Variants in SLC37A1 observed in about 807,000 individuals in gnomAD.
SLC37A1 encodes the protein glucose-6-phosphate exchanger SLC37A1.
A neutral mutation model predicts 75.3 loss-of-function variants in SLC37A1; 49 were observed. The observed-to-expected ratio is 0.65, with a 90% CI of 0.52 to 0.83. SLC37A1 has a LOEUF of 0.83. Ranked by LOEUF, SLC37A1 falls within the 40% of genes least tolerant of loss-of-function variation. The pLI is 0.00. For synonymous variants in SLC37A1, 268 were observed against 292.1 expected (o/e 0.92, Z 0.84); for missense variants, 566 against 695.0 (o/e 0.81, Z 2.09).
At chr21:42,531,590 C>G (rs1002579650) in intron 3 of SLC37A1, among the ~76,000 whole-genome samples, 2 of 152,264 alleles carry the variant, frequency 1.3e-5, no homozygotes, top group East Asian at 1.9e-4. Context: ...AAGGACTTGA[C>G]CCCCTCCCCA....
At chr21:42,575,760 A>G (rs1306425413) in intron 18 of SLC37A1, 1 of 985,304 alleles carries the variant, frequency 1.0e-6, no homozygotes, top group African/African-American at 1.7e-5. Flanking sequence ...TTATATTTTA[A>G]TTCCAGGAAA....
intron 2 of SLC37A1, among the ~76,000 whole-genome samples, chr21:42,523,321 C>T (rs866332683): frequency 4.6e-5 from 7 of 152,302 alleles, no homozygotes; most frequent in Middle Eastern, 3.4e-3. Context: ...CAGTGAGGGC[C>T]GATCAGGGTC....
chr21:42,568,478 A>T (rs1342254174), intron 17 of SLC37A1, 40 bp downstream of exon 17: 1 of 1,582,898 alleles, frequency 6.3e-7, no homozygotes, highest in South Asian at 1.1e-5. Flanking sequence ...TTGGTGTCTT[A>T]GGGGAAATCA....
intron 4 of SLC37A1, among the ~76,000 whole-genome samples, chr21:42,535,086 G>T (rs532044903): frequency 1.3e-5 from 2 of 152,216 alleles, no homozygotes; most frequent in African/African-American, 2.4e-5. Flanking sequence ...GGACTTGCAG[G>T]GCATAGTTCT....
At position 42,579,634 on chromosome 21, in the gene SLC37A1, C is replaced by T. The variant is rs1052731499; in HGVS notation, c.1522-102C>T. The T allele has an allele frequency of 5.2e-6, 5 of 964,540 alleles. No homozygotes were observed. The Admixed American group carries it at 9.5e-5, about 18-fold the overall frequency. The allele number at this position is 964,540 out of a possible 1,614,324, so 59.7% of individuals were successfully genotyped here. On this transcript the variant is annotated intron_variant, in intron 18 of 19. Coordinates refer to ENST00000352133, the MANE Select transcript of SLC37A1 (RefSeq NM_001320537.2). ...AGGGAAGGTGCTGTGGGGAGAGAGC[C>T]ACCCGCCCAGGCCTTGCGGGCCAGG... is the stretch of plus-strand genomic sequence containing the variant.
chr21:42,515,035 A>G (rs1238779030), intron 1 of SLC37A1: 1 of 152,226 alleles, frequency 6.6e-6, no homozygotes, highest in Non-Finnish European at 1.5e-5. Context: ...TGATTCACCA[A>G]GTCATTTTGG....
intron 11 of SLC37A1, among the ~76,000 whole-genome samples, chr21:42,561,217 G>A (rs940915194): frequency 2.6e-5 from 4 of 152,222 alleles, no homozygotes; most frequent in Admixed American, 6.5e-5. Context: ...GTGCACAGAC[G>A]GCTGGGGGAT....
intron 1 of SLC37A1, among the ~76,000 whole-genome samples, chr21:42,516,031 T>C (rs8132907): frequency 0.2 from 30,177 of 152,216 alleles, 3,560 homozygotes; most frequent in African/African-American, 0.33. Context: ...AGTGCTGGGA[T>C]TGCAGGCATG....
intron 17 of SLC37A1, among the ~76,000 whole-genome samples, chr21:42,572,487 C>T (rs564057407): frequency 6.6e-6 from 1 of 152,142 alleles, no homozygotes; most frequent in East Asian, 1.9e-4. Flanking sequence ...CTGCCTGTCT[C>T]CCTGTTCTTT....
In SLC37A1 at chr21:42,534,688, C is replaced by T. The variant is rs777237746; in HGVS notation, c.139-10C>T. The T allele has an allele frequency of 1.2e-6, 2 of 1,604,392 alleles. No individual in the cohort carries two copies. Among genetic ancestry groups the T allele is most frequent in the South Asian group, 2.2e-5 (2 of 89,884 alleles). ...CCTCTCCCTGCTTCTGCCCTCCCAT[C>T]ACGTCCCAGGGTGAGCTCCACAAGT... On this transcript the variant is annotated splice_polypyrimidine_tract_variant and intron_variant, in intron 3 of 19. Transcript: ENST00000352133.
At position 42,580,413 on chromosome 21, in the gene SLC37A1, T is replaced by A; in HGVS notation, c.*53T>A. On this transcript the variant is annotated 3_prime_UTR_variant, in exon 20 of 20. Coordinates refer to ENST00000352133, the MANE Select transcript of SLC37A1 (RefSeq NM_001320537.2). ...TCTGGGCCCACCCTTCACAACTGCC[T>A]TTCAAGGACAGTTCAGACAAAGGGC... is the stretch of plus-strand genomic sequence containing the variant. 6.3e-7 allele frequency: 1 copy of A among 1,596,800 alleles called. No homozygotes were observed. Among genetic ancestry groups the A allele is most frequent in the Admixed American group, 1.7e-5 (1 of 58,602 alleles).
intron 5 of SLC37A1, among the ~76,000 whole-genome samples, chr21:42,537,146 G>A (rs12482752): frequency 0.14 from 21,083 of 152,238 alleles, 1,833 homozygotes; most frequent in Non-Finnish European, 0.2. Flanking sequence ...AGTGTCTGCT[G>A]TTGGAGGAGA....
intron 17 of SLC37A1, among the ~76,000 whole-genome samples, chr21:42,572,248 AG>A (rs1405734085): frequency 1.3e-5 from 2 of 152,036 alleles, no homozygotes; most frequent in African/African-American, 4.8e-5. Context: ...TTAGATCTCC[AG>A]GTTCCCTTCC....
chr21:42,581,322 GTTAT>G lies in SLC37A1; in HGVS notation c.*968_*971del, dbSNP rs71771828. 0.016 allele frequency: 2,493 copies of G among 152,740 alleles called. 30 individuals carry two copies. Among genetic ancestry groups the G allele is most frequent in the Middle Eastern group, 0.048 (14 of 294 alleles). 9.5% of individuals were successfully genotyped at this position (152,740 alleles called of 1,614,324 possible). ...GTTTAAGAGACATAAATGGCATTTT[GTTAT>G]TTATTAAGACAAACTCCAATTGTTC... On this transcript the variant is annotated 3_prime_UTR_variant, in exon 20 of 20. Transcript: ENST00000352133.
At chr21:42,539,100 G>A (rs2055210572) in intron 5 of SLC37A1, among the ~76,000 whole-genome samples, 1 of 152,288 alleles carries the variant, frequency 6.6e-6, no homozygotes, top group Middle Eastern at 3.4e-3. Flanking sequence ...CTTGCTCAGG[G>A]TCATAAGTGA....
chr21:42,499,876 GGGTGCCTTCTGCTTCCTGGT>G (rs1195895102), intron 1 of SLC37A1: 1 of 152,404 alleles, frequency 6.6e-6, no homozygotes, highest in African/African-American at 2.4e-5. Flanking sequence ...GCGCTGGTCA[GGGTGCCTTCTGCTTCCTGGT>G]GGGATGGCCT....
chr21:42,555,174 G>T (rs1171154698), intron 10 of SLC37A1, among the ~76,000 whole-genome samples: 1 of 151,878 alleles, frequency 6.6e-6, no homozygotes, highest in Admixed American at 6.6e-5. Context: ...TTTTAGTAGA[G>T]ATGGGGTTTC....
chr21:42,554,984 T>G (rs1382822427), intron 10 of SLC37A1, among the ~76,000 whole-genome samples: 8,809 of 94,990 alleles, frequency 0.093, 425 homozygotes, highest in Middle Eastern at 0.14. Context: ...GGTTGGTTGT[T>G]TTTTTTTTTT....
At chr21:42,553,817 G>C (rs752925483) in intron 9 of SLC37A1, among the ~76,000 whole-genome samples, 2 of 152,126 alleles carry the variant, frequency 1.3e-5, no homozygotes, top group Non-Finnish European at 2.9e-5. Flanking sequence ...TGGCTTAATG[G>C]GTATTTTTAC....
Sources: gnomAD v4.1 joint callset for allele counts (sites outside exome capture counted in the v4.1 genomes callset) on GRCh38, gnomAD v4.1.1 for gene constraint, MANE v1.5 for transcripts, NCBI Gene and HGNC (gene_info 2026-07-23, HGNC 2026-07-21) for gene names.